Variants in TMC5 observed in about 807,000 individuals in gnomAD.
TMC5 encodes transmembrane channel like 5.
A neutral mutation model predicts 110.5 loss-of-function variants in TMC5; 86 were observed. The observed-to-expected ratio is 0.78, with a 90% confidence interval of 0.65 to 0.93. The LOEUF is 0.93. Ranked by LOEUF, TMC5 falls within the 40% of genes least tolerant of loss-of-function variation. TMC5 has a pLI of 0.00. For missense variants in TMC5, 1,144 were observed against 1,222.8 expected, an observed-to-expected ratio of 0.94 and a Z score of 0.96; for synonymous variants, 455 against 439.5, an observed-to-expected ratio of 1.04 and a Z score of -0.44.
intron 3 of TMC5, among the ~76,000 whole-genome samples, chr16:19,442,516 A>G (rs1038544720): frequency 2.6e-5 from 4 of 152,028 alleles, no homozygotes; most frequent in Non-Finnish European, 5.9e-5. Flanking sequence ...TTTAGTACAG[A>G]CAGGGTTTCA....
chr16:19,440,079 C>T lies in TMC5; in HGVS notation c.41C>T (p.Pro14Leu). 4 of 1,614,024 alleles carry T rather than the reference C, an allele frequency of 2.5e-6. No individual in the cohort carries two copies. The highest frequency in any genetic ancestry group is 2.5e-6 in the Non-Finnish European group (3 of 1,180,018). ...YYRNNWSEEDPDYPDYSGSQN... is the reference protein window; with the variant it reads ...YYRNNWSEEDLDYPDYSGSQN... ...AGGAATAACTGGTCTGAGGAAGACCCAGATTACCCTGACTATTCAGGGTCT... is the reference window on the plus strand; with the variant it reads ...AGGAATAACTGGTCTGAGGAAGACCTAGATTACCCTGACTATTCAGGGTCT... The change falls in exon 3 of 22, where the codon CCA becomes CTA. Residue 14 changes from proline (P) to leucine (L), a missense_variant. Physicochemically the swap from Pro to Leu is moderately conservative, Grantham distance 98 (BLOSUM62 -3). Transcript: ENST00000542583.
At chr16:19,443,027 G>A (rs1200614986) in intron 3 of TMC5, among the ~76,000 whole-genome samples, 1 of 152,114 alleles carries the variant, frequency 6.6e-6, no homozygotes, top group South Asian at 2.1e-4. Context: ...AGGATACGTC[G>A]TGTTAATGTA....
chr16:19,438,466 A>G (rs1967407672), intron 2 of TMC5, among the ~76,000 whole-genome samples: 1 of 151,504 alleles, frequency 6.6e-6, no homozygotes, highest in Non-Finnish European at 1.5e-5. Flanking sequence ...AGAAAACTCA[A>G]CCAAGCATGG....
intron 2 of TMC5, among the ~76,000 whole-genome samples, chr16:19,437,712 T>C (rs1967379026): frequency 6.6e-6 from 1 of 152,192 alleles, no homozygotes; most frequent in Non-Finnish European, 1.5e-5. Context: ...TTATTTTCCT[T>C]CTCATCCTTT....
chr16:19,442,609 A>T (rs1967515917), intron 3 of TMC5, among the ~76,000 whole-genome samples: 1 of 152,158 alleles, frequency 6.6e-6, no homozygotes, highest in African/African-American at 2.4e-5. Context: ...GATTACAGGC[A>T]TGAGCCACTG....
At chr16:19,415,120 C>T (rs950589179), upstream of TMC5, among the ~76,000 whole-genome samples, 1 of 152,158 alleles carries the variant, frequency 6.6e-6, no homozygotes, top group African/African-American at 2.4e-5. Context: ...CCAGTATTGC[C>T]AACTTATTGT....
intron 2 of TMC5, among the ~76,000 whole-genome samples, chr16:19,434,350 ATCTATAT>A (rs1967284376): frequency 8.8e-6 from 1 of 113,042 alleles, no homozygotes; most frequent in African/African-American, 3.5e-5. Context: ...ATATTATATG[ATCTATAT>A]TATATATATA....
chr16:19,452,839 AGGTG>A (rs1967780511), intron 5 of TMC5, among the ~76,000 whole-genome samples: 1 of 152,044 alleles, frequency 6.6e-6, no homozygotes, highest in South Asian at 2.1e-4. Context: ...CAAGACAGAA[AGGTG>A]GGGAAAGACT....
chr16:19,444,311 G>C (rs1967563993), intron 4 of TMC5, 61 bp downstream of exon 4: 3 of 1,507,580 alleles, frequency 2.0e-6, no homozygotes, highest in Non-Finnish European at 2.7e-6. Context: ...TGGATTTAGG[G>C]GTGCAATCAT....
chr16:19,493,465 C>CTCTT (rs71375644), intron 19 of TMC5, among the ~76,000 whole-genome samples: 1 of 74,788 alleles, frequency 1.3e-5, no homozygotes, highest in Non-Finnish European at 3.9e-5. Context: ...CTCTCTCTCT[C>CTCTT]TTTTTTTTTT....
At chr16:19,447,758 T>C (rs953108811) in intron 4 of TMC5, among the ~76,000 whole-genome samples, 1 of 152,074 alleles carries the variant, frequency 6.6e-6, no homozygotes, top group Non-Finnish European at 1.5e-5. Context: ...TATGCCATGT[T>C]GCCCAAGCTG....
At position 19,463,337 on chromosome 16, in the gene TMC5, C is replaced by T. The variant is rs1567313466; in HGVS notation, c.1206C>T (p.Cys402=). The change falls in exon 7 of 22, where the codon TGC becomes TGT. Residue 402 remains cysteine (C), a synonymous_variant. Transcript: ENST00000542583. The part of the protein sequence containing the change: ...KQTHRILQLN[C]CIQCLNSISR... ...CCCATCGTATCCTTCAGCTCAATTGCTGTATTCAGTGTCTGAACTCCATTT... is the reference window on the plus strand; with the variant it reads ...CCCATCGTATCCTTCAGCTCAATTGTTGTATTCAGTGTCTGAACTCCATTT... The T allele has an allele frequency of 6.2e-7, 1 of 1,613,970 alleles. No homozygotes were observed. Among genetic ancestry groups the T allele is most frequent in the South Asian group, 1.1e-5 (1 of 91,080 alleles).
chr16:19,497,005 C>T (rs1460083680), intron 20 of TMC5, 116 bp from the exon 21 acceptor site: 1 of 958,688 alleles, frequency 1.0e-6, no homozygotes, highest in Non-Finnish European at 1.6e-6. Context: ...CTTAATCTCT[C>T]ATCCCTTAAC....
rs959149916 is a variant in TMC5, at chr16:19,449,609, T to G, written c.1026T>G (p.Cys342Trp). ...ATGGAAACCCACCATTGTCTGAATG[T>G]GATTGGCACAAGTCACCCCAAGGTA... ...HAYGNPPLSE[C>W]DWHKSPQGQK... The change falls in exon 5 of 22, where the codon TGT becomes TGG. Residue 342 changes from cysteine to tryptophan, a missense_variant. Physicochemically the swap from Cys to Trp is radical, Grantham distance 215. Transcript: ENST00000542583. The G allele has an allele frequency of 1.9e-6, 3 of 1,614,176 alleles. No homozygotes were observed. The highest frequency in any genetic ancestry group is 2.5e-6 in the Non-Finnish European group (3 of 1,180,028).
intron 5 of TMC5, 35 bp downstream of exon 5, chr16:19,449,666 A>G (rs1239231691): frequency 6.4e-7 from 1 of 1,570,494 alleles, no homozygotes; most frequent in Non-Finnish European, 8.8e-7. Context: ...GTCCCCACCC[A>G]ACTCTCATTT....
At chr16:19,456,173 C>T (rs1967864520) in intron 5 of TMC5, among the ~76,000 whole-genome samples, 1 of 151,516 alleles carries the variant, frequency 6.6e-6, no homozygotes, top group Admixed American at 6.6e-5. Flanking sequence ...CGCCACTGCA[C>T]TCCAGCCTGG....
chr16:19,448,324 ACACT>A (rs1967664573), intron 4 of TMC5, among the ~76,000 whole-genome samples: 1 of 151,434 alleles, frequency 6.6e-6, no homozygotes, highest in South Asian at 2.1e-4. Flanking sequence ...ACACACACAC[ACACT>A]TTTTTACTGG....
At chr16:19,476,363 AAGAG>A (rs891435514) in intron 12 of TMC5, among the ~76,000 whole-genome samples, 1 of 152,014 alleles carries the variant, frequency 6.6e-6, no homozygotes, top group East Asian at 1.9e-4. Context: ...GAAAGAGAGA[AAGAG>A]AGAGAGAGAA....
At chr16:19,435,211 G>T (rs11645721) in intron 2 of TMC5, among the ~76,000 whole-genome samples, 3 of 151,868 alleles carry the variant, frequency 2.0e-5, no homozygotes, top group African/African-American at 7.3e-5. Flanking sequence ...AGGAGTATAG[G>T]CCAGGCGCAG....
Sources: allele counts gnomAD v4.1 joint callset (sites outside exome capture counted in the v4.1 genomes callset), GRCh38; gene constraint gnomAD v4.1.1; transcripts MANE v1.5; gene names NCBI Gene and HGNC (gene_info 2026-07-23, HGNC 2026-07-21).